The following PDE1C variants were observed in gnomAD, a reference collection of about 807,000 sequenced individuals.
The protein encoded by PDE1C is phosphodiesterase 1C.
In PDE1C, 62 loss-of-function variants were observed where a neutral mutation model predicts 93.1. That is an observed-to-expected ratio of 0.67 (90% confidence interval 0.54 to 0.82). The LOEUF is 0.82. Ranked by LOEUF, PDE1C falls within the 40% of genes least tolerant of loss-of-function variation. The pLI is 0.00. For missense variants in PDE1C, 742 were observed against 884.6 expected, an observed-to-expected ratio of 0.84 and a Z score of 2.04; for synonymous variants, 325 against 310.1, an observed-to-expected ratio of 1.05 and a Z score of -0.50.
At chr7:32,422,228 T>TGC (rs1785445948) in intron 1 of PDE1C, among the ~76,000 whole-genome samples, 1 of 152,242 alleles carries the variant, frequency 6.6e-6, no homozygotes, top group Non-Finnish European at 1.5e-5. Context: ...TTGCAGGTGC[T>TGC]ACAAATGTTG....
the PDE1C span, among the ~76,000 whole-genome samples, chr7:31,668,504 A>G: frequency 6.8e-6 from 1 of 148,018 alleles, no homozygotes; most frequent in Non-Finnish European, 1.5e-5. Context: ...TAAAAAAAAA[A>G]GGAAATACTG....
downstream of PDE1C, among the ~76,000 whole-genome samples, chr7:31,750,801 G>A (rs529732025): frequency 3.3e-5 from 5 of 152,036 alleles, no homozygotes; most frequent in East Asian, 1.9e-4. Flanking sequence ...GCGTGATCTC[G>A]GCTCACTGCA....
intron 2 of PDE1C, among the ~76,000 whole-genome samples, chr7:32,014,577 A>G (rs1293813876): frequency 1.3e-5 from 2 of 152,114 alleles, no homozygotes; most frequent in African/African-American, 4.8e-5. Flanking sequence ...CTAGGTTTTC[A>G]GCCCCGCATG....
At chr7:32,270,254 TTTTC>T (rs1810871136) in intron 1 of PDE1C, among the ~76,000 whole-genome samples, 1 of 152,064 alleles carries the variant, frequency 6.6e-6, no homozygotes, top group South Asian at 2.1e-4. Context: ...TTTCATTTAT[TTTTC>T]TTTTGGCGCA....
At chr7:31,967,610 T>G (rs1169458424) in intron 2 of PDE1C, among the ~76,000 whole-genome samples, 1 of 152,216 alleles carries the variant, frequency 6.6e-6, no homozygotes, top group Admixed American at 6.5e-5. Context: ...ACTCTTTTTA[T>G]GAGGCCAGCA....
the PDE1C span, chr7:31,643,192 A>G: frequency 3.1e-6 from 5 of 1,613,812 alleles, no homozygotes; most frequent in African/African-American, 1.3e-5. Context: ...TACTCAAGAC[A>G]AGTTCCTTCA....
chr7:32,282,169 A>AG (rs1484365786), intron 1 of PDE1C, among the ~76,000 whole-genome samples: 2 of 151,642 alleles, frequency 1.3e-5, no homozygotes, highest in Non-Finnish European at 2.9e-5. Flanking sequence ...AAAAAAAAAA[A>AG]AAGAAAGAAA....
At chr7:32,185,309 C>A (rs1193281028) in intron 2 of PDE1C, among the ~76,000 whole-genome samples, 1 of 149,254 alleles carries the variant, frequency 6.7e-6, no homozygotes, top group Non-Finnish European at 1.5e-5. Context: ...CAGATAGGTT[C>A]TATTTGGTCA....
chr7:32,204,126 C>T (rs1270383255), intron 2 of PDE1C, among the ~76,000 whole-genome samples: 1 of 151,550 alleles, frequency 6.6e-6, no homozygotes, highest in East Asian at 1.9e-4. Context: ...CGAGAGGGCC[C>T]CTAAGTCACT....
chr7:31,786,899 ATCTATCTATCTATC>A (rs1784014210), intron 16 of PDE1C: 1 of 4,496 alleles, frequency 2.2e-4, no homozygotes. Context: ...TATATTATCT[ATCTATCTATCTATC>A]TATCTATCTA....
intron 2 of PDE1C, among the ~76,000 whole-genome samples, chr7:32,018,596 T>G (rs1450255701): frequency 6.6e-6 from 1 of 151,526 alleles, no homozygotes; most frequent in Non-Finnish European, 1.5e-5. Context: ...CCCATTTATA[T>G]GAAATGTCCA....
chr7:31,704,348 TTG>T, the PDE1C span, among the ~76,000 whole-genome samples: 1 of 152,310 alleles, frequency 6.6e-6, no homozygotes, highest in Admixed American at 6.5e-5. Context: ...CTGGGTGGGA[TTG>T]TGCTGTAAAA....
At chr7:31,660,889 G>A in the PDE1C span, among the ~76,000 whole-genome samples, 3 of 150,120 alleles carry the variant, frequency 2.0e-5, no homozygotes, top group Non-Finnish European at 2.9e-5. Context: ...ATACACATAT[G>A]TATGTGTATA....
At chr7:31,621,845 T>C in the PDE1C span, among the ~76,000 whole-genome samples, 147 of 151,830 alleles carry the variant, frequency 9.7e-4, no homozygotes, top group African/African-American at 3.0e-3. Flanking sequence ...CATCAGTGTG[T>C]TGTATTCAGG....
chr7:32,083,763 T>A (rs529234326), intron 3 of PDE1C, among the ~76,000 whole-genome samples: 2 of 150,986 alleles, frequency 1.3e-5, no homozygotes, highest in East Asian at 3.9e-4. Context: ...GCTTCATAAG[T>A]GAAGGAGAAA....
chr7:31,697,508 G>C, the PDE1C span, among the ~76,000 whole-genome samples: 1 of 152,182 alleles, frequency 6.6e-6, no homozygotes, highest in South Asian at 2.1e-4. Context: ...CAAAATGAGA[G>C]ACAGAAAAAG....
intron 2 of PDE1C, among the ~76,000 whole-genome samples, chr7:32,178,308 C>T (rs762859135): frequency 6.6e-6 from 1 of 152,152 alleles, no homozygotes; most frequent in Non-Finnish European, 1.5e-5. Flanking sequence ...TAAGTACTCT[C>T]CTCTGTGAAC....
At chr7:31,929,241 T>C (rs542766570) in intron 2 of PDE1C, among the ~76,000 whole-genome samples, 2 of 152,114 alleles carry the variant, frequency 1.3e-5, no homozygotes, top group Non-Finnish European at 2.9e-5. Context: ...GAGCTAACTA[T>C]CCTAAATATA....
rs954805832 is a variant in PDE1C at position 32,314,109 on chromosome 7, G to T, written c.311-104570C>A. Among the ~76,000 whole-genome samples, 7 of 151,812 alleles carry T rather than the reference G, an allele frequency of 4.6e-5. No individual in the cohort carries two copies. The South Asian group carries it at 1.5e-3, about 32-fold the overall frequency. ...AAGTGGGCCCACTTTCCCCAGAAAGGCTCTTTTTATGTGGCTTATTGTTGT... is the reference window on the plus strand; with the variant it reads ...AAGTGGGCCCACTTTCCCCAGAAAGTCTCTTTTTATGTGGCTTATTGTTGT... On this transcript the variant is annotated intron_variant, in intron 1 of 1. Transcript: ENST00000672256.
Sources: gnomAD v4.1 joint callset for allele counts (sites outside exome capture counted in the v4.1 genomes callset) on GRCh38, gnomAD v4.1.1 for gene constraint, MANE v1.5 for transcripts, NCBI Gene and HGNC (gene_info 2026-07-23, HGNC 2026-07-21) for gene names.